ACTG2: variants seen among roughly 807,000 people sequenced by gnomAD.
ACTG2 encodes the protein actin gamma 2, smooth muscle.
A neutral mutation model predicts 37.6 loss-of-function variants in ACTG2; 16 were observed. The ratio of observed to expected loss-of-function variants is 0.43; its 90% CI spans 0.29 to 0.65. The LOEUF is 0.65. Ranked by LOEUF, ACTG2 falls within the 30% of genes least tolerant of loss-of-function variation. The pLI is 0.18. For missense variants in ACTG2, 238 were observed against 490.9 expected, an observed-to-expected ratio of 0.48 and a Z score of 4.87; for synonymous variants, 181 against 179.9, an observed-to-expected ratio of 1.01 and a Z score of -0.05.
Position 73,909,067 on chromosome 2 carries a change from A to G in ACTG2, c.379A>G (p.Thr127Ala), listed in dbSNP as rs111319144. Reference protein sequence around the residue: ...REKMTQIMFETFNVPAMYVAI... With the variant: ...REKMTQIMFEAFNVPAMYVAI... ...ATTGTCCTTTAAGATCATGTTTGAA[A>G]CCTTCAATGTCCCTGCCATGTACGT... The change falls in exon 5 of 9, where the codon ACC becomes GCC. Residue 127 changes from threonine to alanine, a missense_variant. Thr to Ala is a moderately conservative substitution (Grantham distance 58). Transcript: ENST00000345517. 1.2e-6 allele frequency: 2 copies of G among 1,614,096 alleles called. No individual in the cohort carries two copies. Among genetic ancestry groups the G allele is most frequent in the South Asian group, 1.1e-5 (1 of 91,080 alleles).
chr2:73,903,939 CAAAAAAAA>C (rs61362643), intron 3 of ACTG2, among the ~76,000 whole-genome samples: 5 of 90,024 alleles, frequency 5.6e-5, no homozygotes, highest in African/African-American at 1.7e-4. Context: ...GACTCCGTCT[CAAAAAAAA>C]AAAAAAAAAA....
chr2:73,916,842 C>T (rs1680280994), intron 8 of ACTG2, 77 bp downstream of exon 8: 4 of 1,506,742 alleles, frequency 2.7e-6, no homozygotes, highest in South Asian at 1.3e-5. Context: ...CGGAGGCAGA[C>T]TGCCAGACCT....
rs190266393 is a variant in ACTG2 at position 73,919,694 on chromosome 2, T to A, written c.*119T>A. 7 of 1,161,828 alleles carry A rather than the reference T, an allele frequency of 6.0e-6. No individual in the cohort carries two copies. Among genetic ancestry groups the A allele is most frequent in the African/African-American group, 4.7e-5 (3 of 64,400 alleles). 72.0% of individuals were successfully genotyped at this position (1,161,828 alleles called of 1,614,324 possible). A position where few individuals can be genotyped will look rare whatever the true frequency, so the allele number is the denominator to read the frequency against. On this transcript the variant is annotated 3_prime_UTR_variant, in exon 9 of 9. Transcript: ENST00000345517. ...CTCTTTTTTCCTGGGCTATGTCTCA[T>A]ACACAGTGCTAAGGACTTTTCACAC...
chr2:73,914,380 G>A (rs1304659280), intron 6 of ACTG2, among the ~76,000 whole-genome samples: 1 of 152,068 alleles, frequency 6.6e-6, no homozygotes, highest in Non-Finnish European at 1.5e-5. Flanking sequence ...CCAACATGGT[G>A]AAATCCTGTC....
chr2:73,902,317 G>T (rs1558622851), intron 2 of ACTG2, 43 bp from the exon 3 acceptor site: 1 of 1,606,156 alleles, frequency 6.2e-7, no homozygotes, highest in Non-Finnish European at 8.5e-7. Context: ...TCTGTGTGGA[G>T]CCCTCAGCCA....
At chr2:73,913,689 A>C (rs369054746) in intron 6 of ACTG2, 43 bp downstream of exon 6, 1 of 1,544,342 alleles carries the variant, frequency 6.5e-7, no homozygotes, top group South Asian at 1.2e-5. Flanking sequence ...CTCAGAACCA[A>C]TCTGGTTTAG....
Position 73,908,656 on chromosome 2 carries a change from G to T in ACTG2, c.256-17G>T. On this transcript the variant is annotated splice_polypyrimidine_tract_variant and intron_variant, in intron 3 of 8. Transcript: ENST00000345517. Reference sequence around the variant, plus strand: ...ATTGGGAGTCTGCCAGGCTCATATGGCTTTTGTCTCCACTAGATCTGGCAC... The same window carrying T: ...ATTGGGAGTCTGCCAGGCTCATATGTCTTTTGTCTCCACTAGATCTGGCAC... 6.3e-7 allele frequency: 1 copy of T among 1,584,706 alleles called. No individual in the cohort carries two copies. Among genetic ancestry groups the T allele is most frequent in the Non-Finnish European group, 8.6e-7 (1 of 1,164,476 alleles).
intron 3 of ACTG2, among the ~76,000 whole-genome samples, chr2:73,904,516 G>A (rs1347345410): frequency 6.6e-6 from 1 of 151,444 alleles, no homozygotes; most frequent in Non-Finnish European, 1.5e-5. Context: ...TAATTAGCTG[G>A]ATGTGGTGGT....
intron 6 of ACTG2, among the ~76,000 whole-genome samples, chr2:73,914,178 AGAAAGAGGAGTG>A (rs1680202748): frequency 6.6e-6 from 1 of 152,194 alleles, no homozygotes; most frequent in African/African-American, 2.4e-5. Flanking sequence ...CTCCCTCTTT[AGAAAGAGGAGTG>A]GAAGAATTAA....
intron 1 of ACTG2, among the ~76,000 whole-genome samples, chr2:73,900,360 T>C (rs1318064213): frequency 5.3e-5 from 8 of 152,146 alleles, no homozygotes. Context: ...AGATGCTGTT[T>C]GTAACTCAAA....
At position 73,901,278 on chromosome 2, in the gene ACTG2, G is replaced by T; in HGVS notation, c.-34G>T. 7 of 1,528,784 alleles carry T rather than the reference G, an allele frequency of 4.6e-6. No homozygotes were observed. The highest frequency in any genetic ancestry group is 5.3e-6 in the Non-Finnish European group (6 of 1,132,176). 94.7% of individuals were successfully genotyped at this position (1,528,784 alleles called of 1,614,324 possible). A position where few individuals can be genotyped will look rare whatever the true frequency, so the allele number is the denominator to read the frequency against. ...TCTCTTCTCCCGCAAATCCCAAGGT[G>T]CTCCAGTCCCCAGCTCACTCAGCCA... is the stretch of plus-strand genomic sequence containing the variant. On this transcript the variant is annotated splice_region_variant and 5_prime_UTR_variant, in exon 2 of 9. Coordinates refer to ENST00000345517, the MANE Select transcript of ACTG2 (RefSeq NM_001615.4).
At position 73,909,043 on chromosome 2, in the gene ACTG2, T is replaced by C. The variant is rs371058811; in HGVS notation, c.367-12T>C. On this transcript the variant is annotated splice_polypyrimidine_tract_variant and intron_variant, in intron 4 of 8. Coordinates refer to ENST00000345517, the MANE Select transcript of ACTG2 (RefSeq NM_001615.4). ...TTGCCAAATAATCTTTTATTCTTCA[T>C]TGTCCTTTAAGATCATGTTTGAAAC... The C allele has an allele frequency of 2.5e-6, 4 of 1,613,062 alleles. No individual in the cohort carries two copies. The highest frequency in any genetic ancestry group is 3.4e-6 in the Non-Finnish European group (4 of 1,178,982).
chr2:73,907,425 A>T (rs1374034721), intron 3 of ACTG2, among the ~76,000 whole-genome samples: 1 of 152,182 alleles, frequency 6.6e-6, no homozygotes, highest in East Asian at 1.9e-4. Context: ...TTTTGGTCGT[A>T]CTTGATCACT....
intron 2 of ACTG2, among the ~76,000 whole-genome samples, chr2:73,902,018 C>CGTGTGTGTGTGTGTGTGTGTGTGTCT (rs71245662): frequency 5.5e-5 from 8 of 146,342 alleles, no homozygotes; most frequent in Non-Finnish European, 3.0e-5. Context: ...GCATACAAGT[C>CGTGTGTGTGTGTGTGTGTGTGTGTCT]GTGTGTGTGT....
chr2:73,905,921 C>T (rs1680005664), intron 3 of ACTG2, among the ~76,000 whole-genome samples: 1 of 151,358 alleles, frequency 6.6e-6, no homozygotes, highest in Non-Finnish European at 1.5e-5. Flanking sequence ...GTTATATAAG[C>T]ATTTTCAAAA....
At chr2:73,914,612 A>T in intron 6 of ACTG2, 68 bp from the exon 7 acceptor site, 4 of 1,217,580 alleles carry the variant, frequency 3.3e-6, no homozygotes, top group Non-Finnish European at 4.4e-6. Flanking sequence ...GTTTTCATGG[A>T]GATCAAAATG....
Position 73,905,660 on chromosome 2 carries a change from C to T in ACTG2, c.256-3013C>T, listed in dbSNP as rs183789231. ...TCAGTTAAGAATGGGGTAAAACAGC[C>T]ACTTTTTTATTCTGAAGTAAAGATT... On this transcript the variant is annotated intron_variant, in intron 3 of 8. Transcript: ENST00000345517. 2.6e-5 allele frequency among the ~76,000 whole-genome samples: 4 copies of T among 152,198 alleles called. No individual in the cohort carries two copies. The East Asian group carries it at 5.8e-4, about 22-fold the overall frequency.
chr2:73,901,534 G>T (rs1259994031), intron 2 of ACTG2, 97 bp downstream of exon 2: 1 of 181,756 alleles, frequency 5.5e-6, no homozygotes. Flanking sequence ...GGAAGGAAAT[G>T]TGTGTGTGTG....
intron 3 of ACTG2, among the ~76,000 whole-genome samples, chr2:73,905,669 A>G (rs1680001756): frequency 6.6e-6 from 1 of 152,198 alleles, no homozygotes. Context: ...CCACTTTTTT[A>G]TTCTGAAGTA....
Sources: gnomAD v4.1 joint callset for allele counts (sites outside exome capture counted in the v4.1 genomes callset) on GRCh38, gnomAD v4.1.1 for gene constraint, MANE v1.5 for transcripts, NCBI Gene and HGNC (gene_info 2026-07-23, HGNC 2026-07-21) for gene names.